The following R3HCC1L variants were observed in gnomAD, a reference collection of about 807,000 sequenced individuals.
R3HCC1L encodes the protein R3H domain and coiled-coil containing 1 like.
R3HCC1L carries 51 observed loss-of-function variants against 59.9 expected under a neutral mutation model. That is an observed-to-expected ratio of 0.85 (90% CI 0.68 to 1.07). The LOEUF (loss-of-function observed/expected upper bound fraction) is 1.07, where lower values mean the gene tolerates loss of function less well. R3HCC1L is among the 50% of genes least tolerant of loss of function. The pLI is 0.00. For synonymous variants in R3HCC1L, 322 were observed against 315.2 expected, an observed-to-expected ratio of 1.02 and a Z score of -0.23; for missense variants, 965 against 933.0, an observed-to-expected ratio of 1.03 and a Z score of -0.45.
At chr10:98,176,536 T>A (rs1210422182) in intron 4 of R3HCC1L, among the ~76,000 whole-genome samples, 1 of 152,188 alleles carries the variant, frequency 6.6e-6, no homozygotes, top group Non-Finnish European at 1.5e-5. Context: ...TTTTTTTCAT[T>A]GATAGAATAT....
intron 9 of R3HCC1L, among the ~76,000 whole-genome samples, chr10:98,236,737 C>G (rs549329367): frequency 1.3e-5 from 2 of 152,178 alleles, no homozygotes; most frequent in Non-Finnish European, 2.9e-5. Context: ...AATATTTCCC[C>G]TGATCCACAA....
chr10:98,189,462 A>C (rs1186396842), intron 4 of R3HCC1L, among the ~76,000 whole-genome samples: 2 of 152,182 alleles, frequency 1.3e-5, no homozygotes, highest in African/African-American at 4.8e-5. Flanking sequence ...AAGGTCTCTC[A>C]GTGAGTGTCT....
At chr10:98,234,868 T>C (rs1437918418) in intron 7 of R3HCC1L, among the ~76,000 whole-genome samples, 1 of 152,194 alleles carries the variant, frequency 6.6e-6, no homozygotes, top group East Asian at 1.9e-4. Flanking sequence ...TAATTAGCCC[T>C]TTAACCTGTC....
chr10:98,196,551 T>A (rs1195195229), intron 4 of R3HCC1L, among the ~76,000 whole-genome samples: 1 of 152,146 alleles, frequency 6.6e-6, no homozygotes, highest in Non-Finnish European at 1.5e-5. Flanking sequence ...TGTGCTACCA[T>A]GTCCAACTAA....
chr10:98,176,148 C>G (rs1319136392), intron 4 of R3HCC1L, among the ~76,000 whole-genome samples: 18 of 152,200 alleles, frequency 1.2e-4, no homozygotes, highest in Non-Finnish European at 1.5e-5. Context: ...TACCCTTTCT[C>G]CAATGTGACA....
At chr10:98,202,820 C>G (rs1052739348) in intron 4 of R3HCC1L, among the ~76,000 whole-genome samples, 1 of 151,290 alleles carries the variant, frequency 6.6e-6, no homozygotes, top group East Asian at 1.9e-4. Context: ...TGTGCCACTG[C>G]ACTCCAGCCT....
intron 5 of R3HCC1L, among the ~76,000 whole-genome samples, chr10:98,217,752 C>A (rs1323520746): frequency 6.6e-6 from 1 of 151,754 alleles, no homozygotes. Context: ...CAGATTTACT[C>A]CTAGGTATTT....
At position 98,134,723 on chromosome 10, in the gene R3HCC1L, T is replaced by A. The variant is rs899097231; in HGVS notation, c.-268+17T>A. The stretch of plus-strand genomic sequence containing the variant: ...AGCGCGCCGGTAACAACCAGCCCCG[T>A]ATCCCCTCCCTCTGTACCTCAAGCT... On this transcript the variant is annotated intron_variant, in intron 1 of 9. Coordinates refer to ENST00000298999, the MANE Select transcript of R3HCC1L (RefSeq NM_001351015.2). The A allele has an allele frequency of 6.6e-6, 1 of 152,276 alleles. No individual in the cohort carries two copies. Among genetic ancestry groups the A allele is most frequent in the African/African-American group, 2.4e-5 (1 of 41,476 alleles). 9.4% of individuals were successfully genotyped at this position (152,276 alleles called of 1,614,324 possible). A position where few individuals can be genotyped will look rare whatever the true frequency, so the allele number is the denominator to read the frequency against.
chr10:98,196,257 T>C (rs1378927486), intron 4 of R3HCC1L, among the ~76,000 whole-genome samples: 3 of 152,142 alleles, frequency 2.0e-5, no homozygotes, highest in Admixed American at 2.0e-4. Flanking sequence ...TCATCAGTTT[T>C]TACCTTCCTA....
intron 5 of R3HCC1L, among the ~76,000 whole-genome samples, chr10:98,216,050 A>G (rs1854160990): frequency 6.6e-6 from 1 of 152,178 alleles, no homozygotes; most frequent in African/African-American, 2.4e-5. Flanking sequence ...TAAGTTTGTC[A>G]CTATCAGAAG....
At chr10:98,164,101 A>C (rs1847707477) in intron 4 of R3HCC1L, among the ~76,000 whole-genome samples, 1 of 152,164 alleles carries the variant, frequency 6.6e-6, no homozygotes, top group South Asian at 2.1e-4. Flanking sequence ...TGATAGCTTT[A>C]GGGGTAACCA....
intron 1 of R3HCC1L, among the ~76,000 whole-genome samples, chr10:98,153,000 C>T (rs1257498313): frequency 1.3e-5 from 2 of 149,268 alleles, no homozygotes; most frequent in East Asian, 2.1e-4. Context: ...GGTGGGGGCC[C>T]GCCTCCGCCC....
chr10:98,227,727 C>T (rs1855841122), intron 5 of R3HCC1L, among the ~76,000 whole-genome samples: 1 of 151,818 alleles, frequency 6.6e-6, no homozygotes. Context: ...GCTATCCCTC[C>T]CCCCTTCCCC....
chr10:98,229,743 G>A (rs1856132215), intron 5 of R3HCC1L, among the ~76,000 whole-genome samples: 1 of 152,138 alleles, frequency 6.6e-6, no homozygotes, highest in South Asian at 2.1e-4. Context: ...TTATTATTTT[G>A]AGATACGTCC....
intron 4 of R3HCC1L, among the ~76,000 whole-genome samples, chr10:98,168,204 G>C (rs4919180): frequency 0.51 from 77,046 of 151,972 alleles, 19,871 homozygotes; most frequent in Non-Finnish European, 0.56. Flanking sequence ...CTCTACCTTT[G>C]TATTACATAT....
chr10:98,156,653 A>C (rs1846910138), intron 2 of R3HCC1L, among the ~76,000 whole-genome samples: 1 of 152,240 alleles, frequency 6.6e-6, no homozygotes, highest in African/African-American at 2.4e-5. Context: ...GAAGCAGATT[A>C]ACATAATCTA....
At chr10:98,141,650 A>G (rs1845146982) in intron 1 of R3HCC1L, among the ~76,000 whole-genome samples, 1 of 152,176 alleles carries the variant, frequency 6.6e-6, no homozygotes, top group Non-Finnish European at 1.5e-5. Flanking sequence ...GGTACTTAGA[A>G]CCTGGAGGCT....
chr10:98,167,026 T>C (rs1203284041), intron 4 of R3HCC1L, among the ~76,000 whole-genome samples: 1 of 152,042 alleles, frequency 6.6e-6, no homozygotes, highest in African/African-American at 2.4e-5. Context: ...ACTTAATAAG[T>C]ATTTGATGGT....
chr10:98,175,963 G>A (rs1462199648), intron 4 of R3HCC1L, among the ~76,000 whole-genome samples: 3 of 152,102 alleles, frequency 2.0e-5, no homozygotes, highest in Non-Finnish European at 4.4e-5. Flanking sequence ...TATATGTGGT[G>A]TGAGGTATGG....
Sources: gnomAD v4.1 joint callset for allele counts (sites outside exome capture counted in the v4.1 genomes callset) on GRCh38, gnomAD v4.1.1 for gene constraint, MANE v1.5 for transcripts, NCBI Gene and HGNC (gene_info 2026-07-23, HGNC 2026-07-21) for gene names.